ARB2A: variants seen among roughly 807,000 people sequenced by gnomAD.
ARB2A encodes ARB2 cotranscriptional regulator A.
chr5:93,763,093 T>G, the ARB2A span, among the ~76,000 whole-genome samples: 1 of 151,852 alleles, frequency 6.6e-6, no homozygotes, highest in African/African-American at 2.4e-5. Context: ...TGCAAAAACA[T>G]GCCAAATTGT....
At chr5:93,677,607 C>T in the ARB2A span, among the ~76,000 whole-genome samples, 2 of 152,298 alleles carry the variant, frequency 1.3e-5, no homozygotes, top group Middle Eastern at 6.8e-3. Flanking sequence ...TCATGAGATA[C>T]ATCAGGGACT....
the ARB2A span, among the ~76,000 whole-genome samples, chr5:93,783,527 G>A: frequency 6.6e-6 from 1 of 152,120 alleles, no homozygotes; most frequent in Non-Finnish European, 1.5e-5. Context: ...GTCCTATGGT[G>A]TCAGCTGAAG....
At chr5:93,763,708 T>C in the ARB2A span, among the ~76,000 whole-genome samples, 10 of 152,046 alleles carry the variant, frequency 6.6e-5, no homozygotes, top group African/African-American at 1.2e-4. Context: ...TAATAGACAT[T>C]GACAGAACTC....
chr5:93,941,795 T>C, the ARB2A span, among the ~76,000 whole-genome samples: 1 of 152,102 alleles, frequency 6.6e-6, no homozygotes, highest in Non-Finnish European at 1.5e-5. Context: ...CAGACACAGG[T>C]AGAGGAATAG....
At chr5:94,074,185 T>C in the ARB2A span, among the ~76,000 whole-genome samples, 2 of 152,216 alleles carry the variant, frequency 1.3e-5, no homozygotes, top group East Asian at 3.9e-4. Context: ...ATTCTAGGAT[T>C]CAAATTTCCA....
At chr5:94,100,032 G>GA in the ARB2A span, among the ~76,000 whole-genome samples, 1 of 152,272 alleles carries the variant, frequency 6.6e-6, no homozygotes, top group African/African-American at 2.4e-5. Flanking sequence ...TCTATATCTA[G>GA]AAAACCCCAT....
At chr5:93,950,949 A>G in the ARB2A span, among the ~76,000 whole-genome samples, 26 of 147,676 alleles carry the variant, frequency 1.8e-4, no homozygotes, top group Non-Finnish European at 3.8e-4. Context: ...GTCTCAAAAA[A>G]AAAAAAAAAT....
At chr5:93,719,155 T>C in the ARB2A span, among the ~76,000 whole-genome samples, 28,807 of 152,200 alleles carry the variant, frequency 0.19, 3,528 homozygotes, top group Non-Finnish European at 0.26. Flanking sequence ...ATAACTTTTA[T>C]ATTCCTTAAA....
the ARB2A span, among the ~76,000 whole-genome samples, chr5:93,942,887 C>T: frequency 6.6e-6 from 1 of 152,028 alleles, no homozygotes; most frequent in Non-Finnish European, 1.5e-5. Context: ...CAAATTAGCT[C>T]ATTTTTCTGT....
chr5:93,740,460 T>C, the ARB2A span: 3 of 1,150,424 alleles, frequency 2.6e-6, no homozygotes, highest in Non-Finnish European at 2.5e-6. Context: ...TTAACTTCTT[T>C]AGACAGTGAA....
the ARB2A span, among the ~76,000 whole-genome samples, chr5:93,977,962 C>T: frequency 1.1e-4 from 17 of 152,036 alleles, no homozygotes; most frequent in East Asian, 2.9e-3. Flanking sequence ...CAAAGGTCCA[C>T]GTTTGAACAG....
chr5:94,013,662 T>C, the ARB2A span, among the ~76,000 whole-genome samples: 1 of 151,866 alleles, frequency 6.6e-6, no homozygotes, highest in Non-Finnish European at 1.5e-5. Context: ...CACAGCATAA[T>C]AGTACATGCC....
At chr5:93,627,446 T>TTTTG in the ARB2A span, among the ~76,000 whole-genome samples, 59 of 147,436 alleles carry the variant, frequency 4.0e-4, no homozygotes, top group African/African-American at 1.5e-3. Flanking sequence ...GTGTTTTGTT[T>TTTTG]TTTTTTTTTT....
chr5:94,003,713 G>C, the ARB2A span, among the ~76,000 whole-genome samples: 1 of 151,670 alleles, frequency 6.6e-6, no homozygotes, highest in East Asian at 1.9e-4. Context: ...AAGACATAAA[G>C]AAATGTAAAG....
chr5:93,764,473 C>T, the ARB2A span, among the ~76,000 whole-genome samples: 2 of 152,170 alleles, frequency 1.3e-5, no homozygotes, highest in Non-Finnish European at 2.9e-5. Context: ...TTCTTTGACA[C>T]ATACACCCTC....
At chr5:93,863,871 T>C in the ARB2A span, 4 of 152,102 alleles carry the variant, frequency 2.6e-5, no homozygotes, top group Non-Finnish European at 5.9e-5. Context: ...AAATTTTTTG[T>C]TTTAGTTTTT....
chr5:93,989,899 C>G, the ARB2A span, among the ~76,000 whole-genome samples: 1 of 152,072 alleles, frequency 6.6e-6, no homozygotes, highest in East Asian at 1.9e-4. Context: ...TTTATCTTTT[C>G]TTGTTTCCTT....
At chr5:93,746,622 G>A in the ARB2A span, among the ~76,000 whole-genome samples, 1 of 152,052 alleles carries the variant, frequency 6.6e-6, no homozygotes, top group East Asian at 1.9e-4. Flanking sequence ...ACACAAATAT[G>A]ACACAACCAC....
the ARB2A span, among the ~76,000 whole-genome samples, chr5:93,891,024 T>C: frequency 1.3e-5 from 2 of 152,092 alleles, no homozygotes; most frequent in Non-Finnish European, 2.9e-5. Flanking sequence ...CTCTATGCTG[T>C]TGAAGTAATA....
Sources: gnomAD v4.1 joint callset for allele counts (sites outside exome capture counted in the v4.1 genomes callset) on GRCh38, gnomAD v4.1.1 for gene constraint, MANE v1.5 for transcripts, NCBI Gene and HGNC (gene_info 2026-07-23, HGNC 2026-07-21) for gene names.